ITFG1: variants seen among roughly 807,000 people sequenced by gnomAD.
ITFG1 encodes the protein T-cell immunomodulatory protein.
ITFG1 carries 34 observed loss-of-function variants against 81.8 expected under a neutral mutation model. The ratio of observed to expected loss-of-function variants is 0.42; its 90% CI spans 0.32 to 0.55. ITFG1 has a LOEUF of 0.55. Among genes scored for constraint, ITFG1 ranks in the 20% least tolerant of loss-of-function variants. The pLI is 0.17. For missense variants in ITFG1, 672 were observed against 755.4 expected, an observed-to-expected ratio of 0.89 and a Z score of 1.29; for synonymous variants, 285 against 270.6, an observed-to-expected ratio of 1.05 and a Z score of -0.52.
intron 17 of ITFG1, among the ~76,000 whole-genome samples, chr16:47,156,544 C>A (rs376312828): frequency 6.6e-6 from 1 of 152,238 alleles, no homozygotes; most frequent in African/African-American, 2.4e-5. Context: ...AAAAAACCTC[C>A]GTTTTGTATC....
At chr16:47,461,096 C>A (rs972034556), upstream of ITFG1, 5 of 1,441,196 alleles carry the variant, frequency 3.5e-6, no homozygotes, top group Middle Eastern at 2.5e-4. Flanking sequence ...TTGACGACAG[C>A]CGCAAAGCAC....
At chr16:47,192,097 CCT>C (rs1003137527) in intron 14 of ITFG1, among the ~76,000 whole-genome samples, 9 of 152,314 alleles carry the variant, frequency 5.9e-5, no homozygotes, top group African/African-American at 2.2e-4. Context: ...TTTTAAATTC[CCT>C]GTCTCTATAA....
intron 6 of ITFG1, among the ~76,000 whole-genome samples, chr16:47,392,511 T>G (rs1326998631): frequency 1.3e-5 from 2 of 152,170 alleles, no homozygotes; most frequent in Non-Finnish European, 2.9e-5. Flanking sequence ...TGTGATCTAT[T>G]GTAAGGACTT....
chr16:47,170,159 G>T (rs1964939651), intron 14 of ITFG1, among the ~76,000 whole-genome samples: 1 of 152,174 alleles, frequency 6.6e-6, no homozygotes, highest in Non-Finnish European at 1.5e-5. Context: ...TAGTATCTTT[G>T]TCTGGGTTTG....
chr16:47,452,670 T>C (rs1329916221), intron 4 of ITFG1, 63 bp downstream of exon 4: 26 of 1,073,076 alleles, frequency 2.4e-5, no homozygotes, highest in Non-Finnish European at 3.5e-5. Context: ...TAGTTTCCTA[T>C]GTGAAGATTT....
chr16:47,298,016 C>T (rs1274207399), intron 10 of ITFG1, among the ~76,000 whole-genome samples: 1 of 152,020 alleles, frequency 6.6e-6, no homozygotes, highest in Non-Finnish European at 1.5e-5. Context: ...AGTCTTTGTT[C>T]ATTTTTTTCT....
intron 12 of ITFG1, among the ~76,000 whole-genome samples, chr16:47,258,417 A>G (rs1966163642): frequency 6.6e-6 from 1 of 152,210 alleles, no homozygotes; most frequent in Admixed American, 6.5e-5. Context: ...AATGCAATAG[A>G]TATTTCTGGA....
chr16:47,421,171 A>AAGTT (rs765539671), intron 6 of ITFG1, among the ~76,000 whole-genome samples: 2 of 151,506 alleles, frequency 1.3e-5, no homozygotes, highest in Non-Finnish European at 2.9e-5. Flanking sequence ...AGGCAGCATA[A>AAGTT]AGTTAGGTAG....
intron 12 of ITFG1, among the ~76,000 whole-genome samples, chr16:47,251,196 G>A (rs938121297): frequency 1.3e-5 from 2 of 152,148 alleles, no homozygotes; most frequent in East Asian, 1.9e-4. Context: ...CGACACCCTC[G>A]GTTGAGGCCA....
At chr16:47,205,567 C>T (rs914243764) in intron 14 of ITFG1, among the ~76,000 whole-genome samples, 2 of 152,108 alleles carry the variant, frequency 1.3e-5, no homozygotes, top group Non-Finnish European at 1.5e-5. Flanking sequence ...AGGTTTTCTA[C>T]GCTCTGTGAT....
At chr16:47,289,200 T>G (rs953674700) in intron 10 of ITFG1, among the ~76,000 whole-genome samples, 1 of 152,204 alleles carries the variant, frequency 6.6e-6, no homozygotes, top group Non-Finnish European at 1.5e-5. Flanking sequence ...TGGGATAAAT[T>G]CACTTTGAAC....
intron 14 of ITFG1, among the ~76,000 whole-genome samples, chr16:47,211,596 C>T (rs1344757768): frequency 2.0e-5 from 3 of 152,142 alleles, no homozygotes; most frequent in Non-Finnish European, 4.4e-5. Flanking sequence ...TCCTAATCTT[C>T]GACGCAGACC....
intron 14 of ITFG1, among the ~76,000 whole-genome samples, chr16:47,164,151 T>G (rs1964854599): frequency 6.6e-6 from 1 of 152,174 alleles, no homozygotes; most frequent in South Asian, 2.1e-4. Flanking sequence ...AAGGGTTTGT[T>G]GTTTTGTTAC....
intron 8 of ITFG1, among the ~76,000 whole-genome samples, chr16:47,323,213 A>G (rs769696514): frequency 8.5e-5 from 13 of 152,220 alleles, no homozygotes; most frequent in South Asian, 4.1e-4. Flanking sequence ...CCCCACATGA[A>G]TAGATTAACT....
chr16:47,435,249 C>G (rs1193325792), intron 5 of ITFG1, among the ~76,000 whole-genome samples: 1 of 152,104 alleles, frequency 6.6e-6, no homozygotes, highest in Non-Finnish European at 1.5e-5. Flanking sequence ...AAAGCAGATA[C>G]CATATTTTTC....
At chr16:47,183,036 C>T (rs985907410) in intron 14 of ITFG1, among the ~76,000 whole-genome samples, 2 of 152,172 alleles carry the variant, frequency 1.3e-5, no homozygotes, top group African/African-American at 4.8e-5. Flanking sequence ...CGGGTCACTC[C>T]CACCCGAATA....
At chr16:47,414,145 A>C (rs1162567741) in intron 6 of ITFG1, among the ~76,000 whole-genome samples, 1 of 152,198 alleles carries the variant, frequency 6.6e-6, no homozygotes, top group Non-Finnish European at 1.5e-5. Flanking sequence ...AAAAGGTTTA[A>C]CAGAGCAATG....
chr16:47,304,540 C>A (rs529429763), intron 10 of ITFG1, among the ~76,000 whole-genome samples: 2 of 152,194 alleles, frequency 1.3e-5, no homozygotes, highest in Non-Finnish European at 2.9e-5. Context: ...TCACAATGCA[C>A]GCTGACCTGA....
chr16:47,340,157 C>T (rs373553367), intron 8 of ITFG1, among the ~76,000 whole-genome samples: 39 of 151,666 alleles, frequency 2.6e-4, no homozygotes, highest in Non-Finnish European at 5.2e-4. Context: ...CAGATAAAGG[C>T]GGAGGGAATT....
Sources: gnomAD v4.1 joint callset for allele counts (sites outside exome capture counted in the v4.1 genomes callset) on GRCh38, gnomAD v4.1.1 for gene constraint, MANE v1.5 for transcripts, NCBI Gene and HGNC (gene_info 2026-07-23, HGNC 2026-07-21) for gene names.